The following CADPS variants were observed in gnomAD, a reference collection of about 807,000 sequenced individuals.
CADPS encodes the protein calcium dependent secretion activator.
Under a neutral mutation model 167.3 loss-of-function variants are expected in CADPS, and 57 were observed. The observed-to-expected ratio is 0.34, with a 90% CI of 0.28 to 0.42. The LOEUF is 0.42. CADPS is among the 20% of genes least tolerant of loss of function. The pLI is 1.00. For synonymous variants in CADPS, 676 were observed against 635.3 expected (o/e 1.06, Z -0.96); for missense variants, 1,414 against 1,738.1 (o/e 0.81, Z 3.32).
chr3:62,469,971 C>T (rs1328409409), intron 24 of CADPS, among the ~76,000 whole-genome samples: 3 of 152,194 alleles, frequency 2.0e-5, no homozygotes, highest in Non-Finnish European at 2.9e-5. Flanking sequence ...ACTTGACTTC[C>T]TGTGCTACAC....
intron 1 of CADPS, among the ~76,000 whole-genome samples, chr3:62,829,477 G>A (rs572499681): frequency 7.2e-5 from 11 of 152,220 alleles, no homozygotes; most frequent in African/African-American, 2.4e-4. Flanking sequence ...GATACCAAGA[G>A]ATGACTATAA....
chr3:62,497,142 T>C (rs2064943419), intron 18 of CADPS, among the ~76,000 whole-genome samples: 1 of 152,226 alleles, frequency 6.6e-6, no homozygotes, highest in Non-Finnish European at 1.5e-5. Context: ...TTTGGAAAAG[T>C]GAAACGTGCC....
intron 3 of CADPS, among the ~76,000 whole-genome samples, chr3:62,714,922 C>T (rs1439754168): frequency 1.3e-5 from 2 of 152,012 alleles, no homozygotes; most frequent in Non-Finnish European, 2.9e-5. Context: ...TAAATTTAAA[C>T]AAAGTTTCAA....
intron 28 of CADPS, among the ~76,000 whole-genome samples, chr3:62,406,132 C>G (rs568631391): frequency 6.6e-6 from 1 of 152,342 alleles, no homozygotes; most frequent in South Asian, 2.1e-4. Context: ...GTTTGCCGGT[C>G]ATGACAGCCG....
chr3:62,774,567 G>A (rs1386943847), intron 1 of CADPS, among the ~76,000 whole-genome samples: 1 of 152,146 alleles, frequency 6.6e-6, no homozygotes, highest in Non-Finnish European at 1.5e-5. Flanking sequence ...AAATACTATA[G>A]TGATACTAAA....
At position 62,494,180 on chromosome 3, in the gene CADPS, G is replaced by C. The variant is rs1576795788; in HGVS notation, c.2707-515C>G. Among the ~76,000 whole-genome samples, 4 of 152,168 alleles carry C rather than the reference G, an allele frequency of 2.6e-5. No individual in the cohort carries two copies. The East Asian group carries it at 7.7e-4, about 29-fold the overall frequency. ...TGAATTTTCACAGATTCCAATATTT[G>C]GGTCTGAACCGATGAGGTTTTATTG... On this transcript the variant is annotated intron_variant, in intron 18 of 29. Coordinates refer to ENST00000383710, the MANE Select transcript of CADPS (RefSeq NM_003716.4).
At chr3:62,449,141 G>A (rs983022851) in intron 26 of CADPS, among the ~76,000 whole-genome samples, 1 of 152,198 alleles carries the variant, frequency 6.6e-6, no homozygotes, top group Non-Finnish European at 1.5e-5. Context: ...TAAAATTACA[G>A]GGCCCTAGAA....
intron 3 of CADPS, among the ~76,000 whole-genome samples, chr3:62,676,003 G>A (rs1340061798): frequency 6.6e-6 from 1 of 152,034 alleles, no homozygotes; most frequent in African/African-American, 2.4e-5. Flanking sequence ...AACGTATGCA[G>A]GAACCTTAAG....
intron 18 of CADPS, among the ~76,000 whole-genome samples, 152 bp from the exon 19 acceptor site, chr3:62,493,817 CA>C (rs1013812111): frequency 6.0e-5 from 9 of 151,174 alleles, no homozygotes; most frequent in Non-Finnish European, 1.2e-4. Context: ...GGCCTGTCAG[CA>C]AAAAAAAGCC....
At chr3:62,873,590 T>G (rs530016276) in intron 1 of CADPS, among the ~76,000 whole-genome samples, 1 of 146,882 alleles carries the variant, frequency 6.8e-6, no homozygotes, top group Non-Finnish European at 1.5e-5. Flanking sequence ...TTTCTCCAGC[T>G]AAAGAACAGC....
intron 2 of CADPS, among the ~76,000 whole-genome samples, chr3:62,764,473 T>G (rs778953022): frequency 1.3e-5 from 2 of 152,186 alleles, no homozygotes; most frequent in African/African-American, 4.8e-5. Flanking sequence ...AAATAAAAAT[T>G]TCTTGAAGAA....
rs78769338 is a variant in CADPS, at chr3:62,842,705, C to G, written c.441+31884G>C. ...CAGAGAGGAAGTTTTATTGTCTTTC[C>G]TAAAGTCAAATACAAGGTGATAGAG... On this transcript the variant is annotated intron_variant, in intron 1 of 29. Transcript: ENST00000383710. Among the ~76,000 whole-genome samples, 664 of 152,204 alleles carry G rather than the reference C, an allele frequency of 4.4e-3. 17 individuals are homozygous for G. The East Asian group carries it at 0.056, about 13-fold the overall frequency.
At chr3:62,477,706 C>T (rs1474529696) in intron 23 of CADPS, among the ~76,000 whole-genome samples, 1 of 152,168 alleles carries the variant, frequency 6.6e-6, no homozygotes, top group Admixed American at 6.5e-5. Flanking sequence ...TGTTCCATGT[C>T]TCATGCCCCG....
chr3:62,662,149 G>C (rs2073388389), intron 4 of CADPS, among the ~76,000 whole-genome samples, 165 bp downstream of exon 4: 1 of 152,062 alleles, frequency 6.6e-6, no homozygotes, highest in Non-Finnish European at 1.5e-5. Flanking sequence ...CTCTGGGAGA[G>C]CTTGCCTTGA....
intron 6 of CADPS, among the ~76,000 whole-genome samples, chr3:62,639,436 C>T (rs527964195): frequency 9.9e-5 from 15 of 152,196 alleles, no homozygotes; most frequent in Admixed American, 3.3e-4. Flanking sequence ...CATTCAGTGG[C>T]CTTTGAAGTT....
intron 8 of CADPS, among the ~76,000 whole-genome samples, chr3:62,577,711 C>T (rs2082562861): frequency 6.6e-6 from 1 of 152,226 alleles, no homozygotes; most frequent in African/African-American, 2.4e-5. Flanking sequence ...GTCCTCACAA[C>T]AACCCTACAA....
chr3:62,579,177 T>A (rs886263736), intron 8 of CADPS, among the ~76,000 whole-genome samples: 1 of 152,228 alleles, frequency 6.6e-6, no homozygotes, highest in Admixed American at 6.5e-5. Flanking sequence ...GAGCTCTCTA[T>A]TTTAGTCAAG....
chr3:62,812,711 C>G (rs992533872), intron 1 of CADPS, among the ~76,000 whole-genome samples: 3 of 152,184 alleles, frequency 2.0e-5, no homozygotes, highest in African/African-American at 4.8e-5. Flanking sequence ...TGAAAGAAAG[C>G]TCTTTTAGGA....
intron 1 of CADPS, among the ~76,000 whole-genome samples, chr3:62,776,271 T>C (rs994999383): frequency 1.3e-5 from 2 of 152,136 alleles, no homozygotes; most frequent in African/African-American, 4.8e-5. Flanking sequence ...TACAGGGGCT[T>C]GCATGCCAAA....
Sources: allele counts gnomAD v4.1 joint callset (sites outside exome capture counted in the v4.1 genomes callset), GRCh38; gene constraint gnomAD v4.1.1; transcripts MANE v1.5; gene names NCBI Gene and HGNC (gene_info 2026-07-23, HGNC 2026-07-21).